Variants in CCNY observed in about 807,000 individuals in gnomAD.
The protein encoded by CCNY is cyclin Y, also known as cyclin-Y.
In CCNY, 19 loss-of-function variants were observed where a neutral mutation model predicts 42.8. The observed-to-expected ratio is 0.44, with a 90% CI of 0.31 to 0.65. The LOEUF is 0.65. CCNY is among the 30% of genes least tolerant of loss of function. The pLI, the probability that CCNY is intolerant of heterozygous loss-of-function variation, is 0.07. For synonymous variants in CCNY, 165 were observed against 162.7 expected, an observed-to-expected ratio of 1.01 and a Z score of -0.11; for missense variants, 370 against 437.3, an observed-to-expected ratio of 0.85 and a Z score of 1.37.
chr10:35,386,764 G>A (rs909979672), intron 1 of CCNY, among the ~76,000 whole-genome samples: 2 of 151,958 alleles, frequency 1.3e-5, no homozygotes, highest in African/African-American at 4.8e-5. Context: ...GATTGATTAT[G>A]TGTGGAAAAT....
At chr10:35,252,217 C>T (rs1350321058) in intron 3 of CCNY, among the ~76,000 whole-genome samples, 1 of 151,922 alleles carries the variant, frequency 6.6e-6, no homozygotes, top group Non-Finnish European at 1.5e-5. Context: ...AATCATTTCC[C>T]CTCAAAGGTT....
At chr10:35,465,549 T>G (rs1839241413) in intron 1 of CCNY, among the ~76,000 whole-genome samples, 1 of 152,196 alleles carries the variant, frequency 6.6e-6, no homozygotes, top group Non-Finnish European at 1.5e-5. Flanking sequence ...AAAGTACAAC[T>G]TCTTGTTCTG....
chr10:35,249,034 G>A (rs1197200951), intron 2 of CCNY, among the ~76,000 whole-genome samples: 1 of 152,046 alleles, frequency 6.6e-6, no homozygotes, highest in Non-Finnish European at 1.5e-5. Flanking sequence ...TGCAACCTCC[G>A]CCTCGCAGGC....
At chr10:35,520,573 C>T (rs1051600309) in intron 4 of CCNY, among the ~76,000 whole-genome samples, 1 of 152,078 alleles carries the variant, frequency 6.6e-6, no homozygotes, top group East Asian at 1.9e-4. Flanking sequence ...TTCTAAACAG[C>T]GATTTATAAG....
chr10:35,247,801 A>G (rs917624909), intron 1 of CCNY, among the ~76,000 whole-genome samples: 5 of 147,794 alleles, frequency 3.4e-5, no homozygotes, highest in African/African-American at 1.2e-4. Flanking sequence ...GCGTAAACCC[A>G]GGAGGTGGAG....
intron 1 of CCNY, among the ~76,000 whole-genome samples, chr10:35,450,971 A>G (rs960760053): frequency 7.1e-4 from 108 of 152,220 alleles, no homozygotes; most frequent in African/African-American, 2.5e-3. Context: ...ATTAAACTCT[A>G]TTTTGTTGGT....
rs1248557100 is a variant in CCNY at position 35,570,207 on chromosome 10, T to A, written c.*1037T>A. 1 of 152,554 alleles carries A rather than the reference T, an allele frequency of 6.6e-6. No homozygotes were observed. Among genetic ancestry groups the A allele is most frequent in the African/African-American group, 2.4e-5 (1 of 41,418 alleles). 9.5% of individuals were successfully genotyped at this position (152,554 alleles called of 1,614,324 possible). On this transcript the variant is annotated 3_prime_UTR_variant, in exon 10 of 10. Coordinates refer to ENST00000374704, the MANE Select transcript of CCNY (RefSeq NM_145012.6). ...TCAAAGTTAGTCTATTTGTATAAAA[T>A]TTTTAAAAAATCTAAAAGAAAAAGA...
At chr10:35,325,852 G>GA (rs1835873958) in intron 3 of CCNY, among the ~76,000 whole-genome samples, 1 of 152,106 alleles carries the variant, frequency 6.6e-6, no homozygotes, top group Non-Finnish European at 1.5e-5. Flanking sequence ...GCCAAGACAG[G>GA]AGGATCTCTT....
At chr10:35,407,869 C>T (rs962619679) in intron 1 of CCNY, among the ~76,000 whole-genome samples, 2 of 152,102 alleles carry the variant, frequency 1.3e-5, no homozygotes, top group African/African-American at 2.4e-5. Context: ...CCAAGGCAGA[C>T]GTCCCCACGG....
In CCNY at chr10:35,553,056, A is replaced by ATC; in HGVS notation, c.618_619insCT (p.Ile207LeufsTer12). On this transcript the variant is annotated frameshift_variant, in exon 8 of 10. Coordinates refer to ENST00000374704, the MANE Select transcript of CCNY (RefSeq NM_145012.6). LOFTEE classifies it high-confidence loss of function. ...AGACTTTTAACATACGCAGAGATAG[A>ATC]TATCTGTCCGGCCAACTGGAAGCGG... 6.2e-7 allele frequency: 1 copy of ATC among 1,614,192 alleles called. No homozygotes were observed. The highest frequency in any genetic ancestry group is 8.5e-7 in the Non-Finnish European group (1 of 1,180,026).
intron 3 of CCNY, among the ~76,000 whole-genome samples, chr10:35,328,265 A>G (rs1196419475): frequency 6.6e-6 from 1 of 152,210 alleles, no homozygotes; most frequent in Non-Finnish European, 1.5e-5. Context: ...GCCCAGTACC[A>G]TAGCAAGCAA....
At chr10:35,301,925 G>A (rs1156815171) in intron 3 of CCNY, among the ~76,000 whole-genome samples, 3 of 151,392 alleles carry the variant, frequency 2.0e-5, no homozygotes, top group Non-Finnish European at 4.4e-5. Context: ...GAGTCACCCC[G>A]CCCAGCCTTC....
chr10:35,435,758 G>A (rs917573448), intron 1 of CCNY, among the ~76,000 whole-genome samples: 11 of 152,182 alleles, frequency 7.2e-5, no homozygotes, highest in Admixed American at 2.6e-4. Flanking sequence ...GTGCTCAGAG[G>A]CTCTCATTAA....
intron 3 of CCNY, among the ~76,000 whole-genome samples, chr10:35,256,024 T>C (rs2095715211): frequency 6.6e-6 from 1 of 152,236 alleles, no homozygotes; most frequent in Non-Finnish European, 1.5e-5. Context: ...CCCTGTCCTA[T>C]TTTACTTACT....
At chr10:35,373,170 T>G (rs1836975991) in intron 1 of CCNY, among the ~76,000 whole-genome samples, 1 of 152,234 alleles carries the variant, frequency 6.6e-6, no homozygotes, top group Admixed American at 6.5e-5. Context: ...TGGCCCTGCT[T>G]CTTCCTGGTG....
chr10:35,379,901 G>A (rs1252366589), intron 1 of CCNY, among the ~76,000 whole-genome samples: 1 of 152,130 alleles, frequency 6.6e-6, no homozygotes, highest in African/African-American at 2.4e-5. Flanking sequence ...TACCACACAA[G>A]GAGGAGAAAC....
chr10:35,537,915 G>C (rs1840918300), intron 7 of CCNY, among the ~76,000 whole-genome samples: 1 of 152,152 alleles, frequency 6.6e-6, no homozygotes, highest in Non-Finnish European at 1.5e-5. Context: ...GGGGTGGAAT[G>C]ATACGGTTTG....
chr10:35,347,983 A>G (rs1018557855), intron 1 of CCNY, among the ~76,000 whole-genome samples: 5 of 152,214 alleles, frequency 3.3e-5, no homozygotes, highest in Non-Finnish European at 7.3e-5. Context: ...TTTCAGACGC[A>G]CATATTTATC....
intron 3 of CCNY, among the ~76,000 whole-genome samples, chr10:35,323,493 C>A (rs1354825838): frequency 6.6e-6 from 1 of 150,784 alleles, no homozygotes; most frequent in Non-Finnish European, 1.5e-5. Context: ...ATAGACAAGT[C>A]TAAAAACATT....
Sources: allele counts gnomAD v4.1 joint callset (sites outside exome capture counted in the v4.1 genomes callset), GRCh38; gene constraint gnomAD v4.1.1; transcripts MANE v1.5; gene names NCBI Gene and HGNC (gene_info 2026-07-23, HGNC 2026-07-21).